The following CNBD1 variants were observed in gnomAD, a reference collection of about 807,000 sequenced individuals.
CNBD1 encodes cyclic nucleotide binding domain containing 1, also known as cyclic nucleotide-binding domain-containing protein 1.
Under a neutral mutation model 54.4 loss-of-function variants are expected in CNBD1, and 71 were observed. The ratio of observed to expected loss-of-function variants is 1.30; its 90% CI spans 1.08 to 1.59. CNBD1 has a LOEUF of 1.59. Ranked by LOEUF, CNBD1 falls within the 40% of genes most tolerant of loss-of-function variation. The probability of loss-of-function intolerance (pLI) is 0.00; values close to 1 mark genes in which losing one functional copy is unlikely to be tolerated. For synonymous variants in CNBD1, 182 were observed against 170.7 expected (o/e 1.07, Z -0.51); for missense variants, 659 against 518.0 (o/e 1.27, Z -2.64).
At chr8:87,098,165 A>G (rs1428477966) in intron 4 of CNBD1, among the ~76,000 whole-genome samples, 1 of 152,216 alleles carries the variant, frequency 6.6e-6, no homozygotes, top group Non-Finnish European at 1.5e-5. Context: ...GATGCTGGAA[A>G]GACTTGGGGG....
intron 3 of CNBD1, among the ~76,000 whole-genome samples, chr8:86,933,935 T>C (rs541150146): frequency 6.6e-6 from 1 of 152,296 alleles, no homozygotes; most frequent in South Asian, 2.1e-4. Flanking sequence ...CCATAAATAA[T>C]TGGATGTTAT....
At chr8:87,424,266 T>C (rs1450666430) in intron 2 of CNBD1, among the ~76,000 whole-genome samples, 3 of 152,030 alleles carry the variant, frequency 2.0e-5, no homozygotes, top group Admixed American at 6.5e-5. Context: ...TTTTTGTGTC[T>C]CTATTTCCTT....
At chr8:87,131,180 G>A (rs1812111269) in intron 4 of CNBD1, among the ~76,000 whole-genome samples, 1 of 151,864 alleles carries the variant, frequency 6.6e-6, no homozygotes, top group Non-Finnish European at 1.5e-5. Context: ...TGCATTCAAT[G>A]AAATTTTCGT....
intron 4 of CNBD1, among the ~76,000 whole-genome samples, chr8:87,030,611 TAG>T (rs959781530): frequency 2.6e-5 from 4 of 152,162 alleles, no homozygotes; most frequent in African/African-American, 7.2e-5. Flanking sequence ...AAATTAAAAA[TAG>T]ACAGTGTATT....
At chr8:87,355,401 T>C (rs1472480383) in intron 10 of CNBD1, among the ~76,000 whole-genome samples, 1 of 152,148 alleles carries the variant, frequency 6.6e-6, no homozygotes, top group African/African-American at 2.4e-5. Flanking sequence ...CAATATTTAA[T>C]TAAGATCAAG....
chr8:86,963,822 A>G, intron 4 of CNBD1, among the ~76,000 whole-genome samples: 1 of 152,134 alleles, frequency 6.6e-6, no homozygotes, highest in East Asian at 1.9e-4. Context: ...AGTCTGAACC[A>G]CCAGAGTCAA....
intron 4 of CNBD1, among the ~76,000 whole-genome samples, chr8:87,018,649 A>G (rs1186664922): frequency 6.6e-6 from 1 of 152,158 alleles, no homozygotes; most frequent in African/African-American, 2.4e-5. Context: ...CTTCCAAAAA[A>G]ACCAAGATCA....
chr8:87,346,541 C>T lies in CNBD1; in HGVS notation c.1043-5144C>T, dbSNP rs112354366. ...TTGCTATTTCATCATTGTGATGTCT[C>T]TATCTATGTGTATATTCGCTACACA... On this transcript the variant is annotated intron_variant, in intron 8 of 10. Coordinates refer to ENST00000518476, the MANE Select transcript of CNBD1 (RefSeq NM_173538.3). 3.1e-3 allele frequency among the ~76,000 whole-genome samples: 472 copies of T among 151,840 alleles called. 5 individuals carry two copies. Among genetic ancestry groups the T allele is most frequent in the African/African-American group, 0.01 (430 of 41,398 alleles).
At chr8:87,288,703 G>A (rs1185065240) in intron 8 of CNBD1, among the ~76,000 whole-genome samples, 1 of 151,978 alleles carries the variant, frequency 6.6e-6, no homozygotes, top group East Asian at 1.9e-4. Context: ...AAAATAAACG[G>A]TGGTGTTTGT....
chr8:87,290,933 T>C (rs1050397252), intron 8 of CNBD1, among the ~76,000 whole-genome samples: 2 of 152,262 alleles, frequency 1.3e-5, no homozygotes, highest in Admixed American at 6.5e-5. Context: ...CCATAATGTG[T>C]CTGTTTGCTT....
chr8:87,051,356 GCTT>G (rs1335042554), intron 4 of CNBD1, among the ~76,000 whole-genome samples: 1 of 152,146 alleles, frequency 6.6e-6, no homozygotes, highest in Non-Finnish European at 1.5e-5. Flanking sequence ...GGCAGTTTGA[GCTT>G]CTGGAGTCAA....
intron 4 of CNBD1, among the ~76,000 whole-genome samples, chr8:87,187,773 T>C (rs1389631526): frequency 6.6e-6 from 1 of 152,192 alleles, no homozygotes; most frequent in African/African-American, 2.4e-5. Flanking sequence ...GCTAATTACA[T>C]AATTCATTAT....
chr8:86,878,537 C>A (rs926904498), intron 1 of CNBD1, among the ~76,000 whole-genome samples: 4 of 151,466 alleles, frequency 2.6e-5, no homozygotes, highest in South Asian at 2.1e-4. Context: ...ATGTTGATTG[C>A]CACTTAACAT....
chr8:86,905,290 G>T, intron 3 of CNBD1, 96 bp downstream of exon 3: 1 of 694,180 alleles, frequency 1.4e-6, no homozygotes, highest in South Asian at 2.0e-5. Context: ...TATTTGACCA[G>T]TTTCAGTCAA....
In CNBD1 at chr8:87,168,088, A is replaced by T. The variant is rs370884350; in HGVS notation, c.432-37905A>T. 2.0e-5 allele frequency among the ~76,000 whole-genome samples: 3 copies of T among 152,170 alleles called. No individual in the cohort carries two copies. In the East Asian group the frequency reaches 5.8e-4, roughly 29 times the overall value. On this transcript the variant is annotated intron_variant, in intron 4 of 10. Coordinates refer to ENST00000518476, the MANE Select transcript of CNBD1 (RefSeq NM_173538.3). ...GGGATCACTGCTATATGTGTATCCCATCATTGACCAAAATGTTGTTATGCA... is the reference window on the plus strand; with the variant it reads ...GGGATCACTGCTATATGTGTATCCCTTCATTGACCAAAATGTTGTTATGCA...
chr8:87,390,890 A>C (rs1156951802), intron 2 of CNBD1, among the ~76,000 whole-genome samples: 1 of 152,192 alleles, frequency 6.6e-6, no homozygotes, highest in Non-Finnish European at 1.5e-5. Flanking sequence ...GCACATATAC[A>C]CTATGTAATA....
intron 4 of CNBD1, among the ~76,000 whole-genome samples, chr8:87,077,414 T>TCTTC: frequency 7.5e-6 from 1 of 132,782 alleles, no homozygotes; most frequent in East Asian, 2.1e-4. Context: ...TTCTTCTTCT[T>TCTTC]TTTTTTTTTT....
intron 6 of CNBD1, among the ~76,000 whole-genome samples, chr8:87,279,031 T>C (rs1339772762): frequency 6.6e-6 from 1 of 151,394 alleles, no homozygotes; most frequent in Non-Finnish European, 1.5e-5. Context: ...ATAATTTTTC[T>C]ATTTAATTAA....
chr8:87,328,100 T>A (rs1454367548), intron 8 of CNBD1, among the ~76,000 whole-genome samples: 4 of 152,096 alleles, frequency 2.6e-5, no homozygotes, highest in Admixed American at 1.3e-4. Flanking sequence ...AAGACCCACA[T>A]GCATTAGGTG....
Sources: gnomAD v4.1 joint callset for allele counts (sites outside exome capture counted in the v4.1 genomes callset) on GRCh38, gnomAD v4.1.1 for gene constraint, MANE v1.5 for transcripts, NCBI Gene and HGNC (gene_info 2026-07-23, HGNC 2026-07-21) for gene names.